MAP2K5: variants seen among roughly 807,000 people sequenced by gnomAD.
MAP2K5 encodes mitogen-activated protein kinase kinase 5.
MAP2K5 carries 49 observed loss-of-function variants against 83.1 expected under a neutral mutation model. The ratio of observed to expected loss-of-function variants is 0.59; its 90% CI spans 0.47 to 0.75. The LOEUF is 0.75. MAP2K5 is among the 30% of genes least tolerant of loss of function. The pLI is 0.00. For synonymous variants in MAP2K5, 202 were observed against 191.8 expected (o/e 1.05, Z -0.44); for missense variants, 457 against 557.5 (o/e 0.82, Z 1.82).
At chr15:67,767,512 A>G (rs2090062992) in intron 19 of MAP2K5, among the ~76,000 whole-genome samples, 1 of 152,208 alleles carries the variant, frequency 6.6e-6, no homozygotes. Flanking sequence ...AAGCTTCCTC[A>G]CTGATCAGAG....
At position 67,750,319 on chromosome 15, in the gene MAP2K5, C is replaced by T. The variant is rs560912988; in HGVS notation, c.1134+1718C>T. On this transcript the variant is annotated intron_variant, in intron 19 of 21. Coordinates refer to ENST00000178640, the MANE Select transcript of MAP2K5 (RefSeq NM_145160.3). The surrounding 1 kb of genome is among the most constrained non-coding windows in gnomAD (Gnocchi z 4.2). ...GTGGAAACTTGGGAAATGAACATTG[C>T]CTTTGCTAAAACCAGGTTGATCTTG... 5.9e-5 allele frequency among the ~76,000 whole-genome samples: 9 copies of T among 152,296 alleles called. No homozygotes were observed. In the East Asian group the frequency reaches 9.6e-4, roughly 16 times the overall value.
chr15:67,758,995 T>A lies in MAP2K5; in HGVS notation c.1134+10394T>A, dbSNP rs911730646. On this transcript the variant is annotated intron_variant, in intron 19 of 21. Coordinates refer to ENST00000178640, the MANE Select transcript of MAP2K5 (RefSeq NM_145160.3). This position sits in a 1 kb window ranked among gnomAD's most constrained non-coding sequence, Gnocchi z 4.7. Reference sequence around the variant, plus strand: ...AGTTCAGTTTTGCTGTCTATATGAATGACCGCACATCTTTCAGTTAATTGA... The same window carrying A: ...AGTTCAGTTTTGCTGTCTATATGAAAGACCGCACATCTTTCAGTTAATTGA... Among the ~76,000 whole-genome samples the A allele has an allele frequency of 3.3e-5, 5 of 152,240 alleles. No individual in the cohort carries two copies. Among genetic ancestry groups the A allele is most frequent in the Non-Finnish European group, 7.3e-5 (5 of 68,046 alleles).
rs1438955522 is a variant in MAP2K5, at chr15:67,702,707, G to A, written c.973-630G>A. 1.3e-5 allele frequency among the ~76,000 whole-genome samples: 2 copies of A among 152,158 alleles called. No homozygotes were observed. The highest frequency in any genetic ancestry group is 2.4e-5 in the African/African-American group (1 of 41,446). ...ATACATCTTGAGTGGAGGACCAAGA[G>A]TCCCAAATGGACCTTTCAGACTGTT... On this transcript the variant is annotated intron_variant, in intron 15 of 21. Coordinates refer to ENST00000178640, the MANE Select transcript of MAP2K5 (RefSeq NM_145160.3). This position sits in a 1 kb window ranked among gnomAD's most constrained non-coding sequence, Gnocchi z 4.6.
In MAP2K5 at chr15:67,717,888, G is replaced by C. The variant is rs2088864717; in HGVS notation, c.1045-10028G>C. The C allele has an allele frequency of 6.6e-6, 1 of 152,144 alleles. No individual in the cohort carries two copies. Among genetic ancestry groups the C allele is most frequent in the Non-Finnish European group, 1.5e-5 (1 of 68,042 alleles). 9.4% of individuals were successfully genotyped at this position (152,144 alleles called of 1,614,324 possible). On this transcript the variant is annotated intron_variant, in intron 16 of 21. Transcript: ENST00000178640. The surrounding 1 kb of genome is among the most constrained non-coding windows in gnomAD (Gnocchi z 4.1). ...AAGGCCCAACCTCAGAAATTACACA[G>C]GATTGTTCCTGCCACATTCTGTTGA...
chr15:67,796,849 G>C (rs1379096321), intron 21 of MAP2K5, among the ~76,000 whole-genome samples: 1 of 152,142 alleles, frequency 6.6e-6, no homozygotes, highest in Non-Finnish European at 1.5e-5. Context: ...AGACTGATCT[G>C]GCAGCTGCTT....
chr15:67,564,258 G>A (rs925894711), intron 3 of MAP2K5, among the ~76,000 whole-genome samples: 10 of 152,110 alleles, frequency 6.6e-5, no homozygotes, highest in Non-Finnish European at 1.3e-4. Flanking sequence ...ACTGCACAGG[G>A]CCATTGTAAT....
intron 17 of MAP2K5, among the ~76,000 whole-genome samples, chr15:67,728,666 A>G (rs1363881800): frequency 6.6e-6 from 1 of 152,236 alleles, no homozygotes; most frequent in Admixed American, 6.5e-5. Flanking sequence ...TTTTTCTGGC[A>G]TCTTGGTCTG....
chr15:67,612,452 C>T (rs1238904051), intron 8 of MAP2K5, among the ~76,000 whole-genome samples: 1 of 152,088 alleles, frequency 6.6e-6, no homozygotes, highest in Non-Finnish European at 1.5e-5. Flanking sequence ...AAATACTTTC[C>T]TTCTGTTGTC....
In MAP2K5 at chr15:67,782,927, T is replaced by C. The variant is rs922221911; in HGVS notation, c.1242+10175T>C. Among the ~76,000 whole-genome samples the C allele has an allele frequency of 6.6e-5, 10 of 152,226 alleles. No homozygotes were observed. The highest frequency in any genetic ancestry group is 2.4e-4 in the African/African-American group (10 of 41,454). The stretch of plus-strand genomic sequence containing the variant: ...GAAACGGCCCCCTTTTCAGCTCTCC[T>C]GTGCAGGCAGCAGTGCTGCATCATC... On this transcript the variant is annotated intron_variant, in intron 21 of 21. Coordinates refer to ENST00000178640, the MANE Select transcript of MAP2K5 (RefSeq NM_145160.3). The surrounding 1 kb of genome is among the most constrained non-coding windows in gnomAD (Gnocchi z 4.9).
chr15:67,762,227 T>C (rs760832398), intron 19 of MAP2K5, among the ~76,000 whole-genome samples: 3 of 152,194 alleles, frequency 2.0e-5, no homozygotes, highest in Non-Finnish European at 4.4e-5. Context: ...ATGAAATCCC[T>C]TCGGTATGAG....
intron 12 of MAP2K5, among the ~76,000 whole-genome samples, chr15:67,661,915 A>G (rs951759076): frequency 6.6e-6 from 1 of 152,084 alleles, no homozygotes; most frequent in African/African-American, 2.4e-5. Context: ...ATGGATGTTA[A>G]TTTTTATAAA....
At chr15:67,675,322 C>T (rs2087651231) in intron 13 of MAP2K5, among the ~76,000 whole-genome samples, 1 of 152,154 alleles carries the variant, frequency 6.6e-6, no homozygotes, top group African/African-American at 2.4e-5. Flanking sequence ...GATCATTATA[C>T]TGAGTGAAAA....
In MAP2K5 at chr15:67,646,425, T is replaced by C; in HGVS notation, c.692T>C (p.Phe231Ser). The change falls in exon 11 of 22, where the codon TTT (phenylalanine) becomes TCT (serine). Residue 231 changes from phenylalanine to serine, a missense_variant. Physicochemically the swap from Phe to Ser is radical, Grantham distance 155. This residue lies in a region of MAP2K5 where 168 missense variants were observed against 263.0 expected (regional missense o/e 0.64). Transcript: ENST00000178640. The stretch of plus-strand genomic sequence containing the variant: ...TATATCATTGGATTTTATGGAGCAT[T>C]TTTTGTAGAAAACAGGATTTCAATA... ...SSYIIGFYGA[F>S]FVENRISICT... 1 of 1,603,436 alleles carries C rather than the reference T, an allele frequency of 6.2e-7. No homozygotes were observed. The highest frequency in any genetic ancestry group is 8.5e-7 in the Non-Finnish European group (1 of 1,172,236).
At chr15:67,635,808 G>A (rs2086591070) in intron 9 of MAP2K5, among the ~76,000 whole-genome samples, 1 of 152,010 alleles carries the variant, frequency 6.6e-6, no homozygotes, top group South Asian at 2.1e-4. Flanking sequence ...TTTCTTTCCA[G>A]TGAGAAGTTT....
chr15:67,689,549 A>G (rs2088047638), intron 13 of MAP2K5, among the ~76,000 whole-genome samples: 1 of 152,188 alleles, frequency 6.6e-6, no homozygotes, highest in Non-Finnish European at 1.5e-5. Context: ...TGATTTGAGG[A>G]TGACTGGATG....
At chr15:67,743,162 A>G (rs748590500) in intron 17 of MAP2K5, among the ~76,000 whole-genome samples, 11 of 152,150 alleles carry the variant, frequency 7.2e-5, no homozygotes, top group Non-Finnish European at 1.5e-4. Context: ...GCTTTTCAAA[A>G]CTGGTCACTC....
intron 6 of MAP2K5, among the ~76,000 whole-genome samples, chr15:67,589,728 A>G (rs187180785): frequency 1.3e-5 from 2 of 152,110 alleles, no homozygotes; most frequent in Non-Finnish European, 2.9e-5. Context: ...ACTGGGAGTC[A>G]TTTGTGGGAA....
In MAP2K5 at chr15:67,676,421, T is replaced by TAAGA. The variant is rs937088768; in HGVS notation, c.847+11777_847+11780dup. 3.9e-5 allele frequency among the ~76,000 whole-genome samples: 6 copies of TAAGA among 152,178 alleles called. No individual in the cohort carries two copies. On this transcript the variant is annotated intron_variant, in intron 13 of 21. Transcript: ENST00000178640. The surrounding 1 kb of genome is among the most constrained non-coding windows in gnomAD (Gnocchi z 4.8). The stretch of plus-strand genomic sequence containing the variant: ...TTTGTTCCCCTTTCTCGTATTAAAG[T>TAAGA]AAGAGATTTATCCTTGGGACATTTT...
chr15:67,570,603 A>C (rs1262524048), intron 3 of MAP2K5, among the ~76,000 whole-genome samples: 2 of 152,244 alleles, frequency 1.3e-5, no homozygotes, highest in Non-Finnish European at 2.9e-5. Flanking sequence ...TCAGCATCAT[A>C]AAGGAAAAGC....
Sources: allele counts gnomAD v4.1 joint callset (sites outside exome capture counted in the v4.1 genomes callset), GRCh38; gene constraint gnomAD v4.1.1; regional missense constraint gnomAD v4.1.1; non-coding constraint Gnocchi (gnomAD v3.1); transcripts MANE v1.5; gene names NCBI Gene and HGNC (gene_info 2026-07-23, HGNC 2026-07-21).